Variants in CHST11 observed in about 807,000 individuals in gnomAD.
CHST11 encodes carbohydrate sulfotransferase 11, also known as C4S-1.
In CHST11, 9 loss-of-function variants were observed where a neutral mutation model predicts 30.4. The ratio of observed to expected loss-of-function variants is 0.30; its 90% confidence interval spans 0.18 to 0.52. The LOEUF is 0.52. Among genes scored for constraint, CHST11 ranks in the 20% least tolerant of loss-of-function variants. The probability of loss-of-function intolerance (pLI) is 0.97; values close to 1 mark genes in which losing one functional copy is unlikely to be tolerated. For missense variants in CHST11, 348 were observed against 460.6 expected, an observed-to-expected ratio of 0.76 and a Z score of 2.24; for synonymous variants, 152 against 187.8, an observed-to-expected ratio of 0.81 and a Z score of 1.56.
intron 2 of CHST11, among the ~76,000 whole-genome samples, chr12:104,639,667 C>G (rs1019113935): frequency 6.6e-5 from 10 of 152,146 alleles, no homozygotes; most frequent in African/African-American, 1.9e-4. Flanking sequence ...CGTGGTCAAG[C>G]TTCATTGCCC....
At chr12:104,516,418 A>G (rs2135984962) in intron 1 of CHST11, among the ~76,000 whole-genome samples, 1 of 152,300 alleles carries the variant, frequency 6.6e-6, no homozygotes, top group South Asian at 2.1e-4. Flanking sequence ...TAAAATGGTC[A>G]TCTTTGCAAT....
intron 1 of CHST11, among the ~76,000 whole-genome samples, chr12:104,482,299 C>G (rs1387828995): frequency 6.6e-6 from 1 of 151,788 alleles, no homozygotes; most frequent in Non-Finnish European, 1.5e-5. Context: ...GGAGGCTGCT[C>G]TGCCACCTGG....
rs933601565 is a variant in CHST11, at chr12:104,700,147, T to A, written c.205-56802T>A. Among the ~76,000 whole-genome samples, 14 of 152,380 alleles carry A rather than the reference T, an allele frequency of 9.2e-5. 1 individual carries two copies. The highest frequency in any genetic ancestry group is 2.6e-4 in the African/African-American group (11 of 41,584). On this transcript the variant is annotated intron_variant, in intron 2 of 2. Transcript: ENST00000303694. ...CAAATACTACCCATCTGGTTTTTTT[T>A]AAATCAGATTAGAAGTAAATGTCTT...
At chr12:104,541,907 A>T (rs138254293) in intron 1 of CHST11, among the ~76,000 whole-genome samples, 5,919 of 152,306 alleles carry the variant, frequency 0.039, 397 homozygotes, top group African/African-American at 0.14. Context: ...CCAGCCTGAG[A>T]GACAGAGCGA....
intron 2 of CHST11, among the ~76,000 whole-genome samples, chr12:104,628,914 C>T (rs1036332981): frequency 3.9e-5 from 6 of 152,178 alleles, no homozygotes; most frequent in East Asian, 3.8e-4. Flanking sequence ...CTAAGGTCCA[C>T]GCTGGCTGCC....
At chr12:104,731,915 G>C (rs2040261321) in intron 2 of CHST11, among the ~76,000 whole-genome samples, 1 of 152,240 alleles carries the variant, frequency 6.6e-6, no homozygotes, top group Admixed American at 6.5e-5. Flanking sequence ...CTGTGAATGA[G>C]ACAGATGAGC....
intron 1 of CHST11, among the ~76,000 whole-genome samples, chr12:104,522,687 G>A (rs922433009): frequency 6.6e-6 from 1 of 151,480 alleles, no homozygotes; most frequent in African/African-American, 2.4e-5. Context: ...TTGCTATGTT[G>A]CTTGGGCTGG....
chr12:104,639,573 G>C (rs1181762004), intron 2 of CHST11, among the ~76,000 whole-genome samples: 3 of 152,182 alleles, frequency 2.0e-5, no homozygotes, highest in Admixed American at 6.5e-5. Flanking sequence ...GGATCTTTAT[G>C]GGATAGAGGA....
intron 2 of CHST11, among the ~76,000 whole-genome samples, chr12:104,668,455 G>T (rs2039660935): frequency 2.6e-5 from 4 of 152,102 alleles, no homozygotes. Flanking sequence ...ACGTCAGCTG[G>T]GTCAGCTGAA....
Position 104,590,005 on chromosome 12 carries a change from T to C in CHST11, c.119-11901T>C, listed in dbSNP as rs187400096. 2.1e-3 allele frequency among the ~76,000 whole-genome samples: 309 copies of C among 148,348 alleles called. 1 individual carries two copies. Among genetic ancestry groups the C allele is most frequent in the African/African-American group, 7.5e-3 (290 of 38,880 alleles). ...GCCTGGGCAACAAAGCGAGACTCTGTCTCAAAATTAAATAAATAAATAAAT... is the reference window on the plus strand; with the variant it reads ...GCCTGGGCAACAAAGCGAGACTCTGCCTCAAAATTAAATAAATAAATAAAT... On this transcript the variant is annotated intron_variant, in intron 1 of 2. Transcript: ENST00000303694.
At chr12:104,631,385 G>A (rs918051343) in intron 2 of CHST11, among the ~76,000 whole-genome samples, 1 of 152,124 alleles carries the variant, frequency 6.6e-6, no homozygotes, top group Non-Finnish European at 1.5e-5. Flanking sequence ...CAGACCATCC[G>A]TTTTAGGGTT....
chr12:104,463,897 A>G (rs1359114040), intron 1 of CHST11, among the ~76,000 whole-genome samples: 1 of 152,118 alleles, frequency 6.6e-6, no homozygotes, highest in Non-Finnish European at 1.5e-5. Flanking sequence ...GCCAACAACC[A>G]CAGTGGGGAG....
intron 1 of CHST11, among the ~76,000 whole-genome samples, chr12:104,523,705 A>G (rs1592745034): frequency 6.6e-6 from 1 of 152,204 alleles, no homozygotes; most frequent in East Asian, 1.9e-4. Flanking sequence ...CCTTACTGTA[A>G]AAGGAATATT....
intron 1 of CHST11, among the ~76,000 whole-genome samples, chr12:104,464,174 TCTC>T (rs1389133301): frequency 3.3e-5 from 5 of 151,230 alleles, no homozygotes; most frequent in Admixed American, 2.0e-4. Flanking sequence ...CCCAAGCAAT[TCTC>T]CTGCCTCAGC....
At chr12:104,599,126 A>G (rs1459240383) in intron 1 of CHST11, among the ~76,000 whole-genome samples, 1 of 152,208 alleles carries the variant, frequency 6.6e-6, no homozygotes. Context: ...TATCATTCCC[A>G]TAAAAGGCAC....
At chr12:104,571,472 T>A (rs563032348) in intron 1 of CHST11, among the ~76,000 whole-genome samples, 2 of 152,258 alleles carry the variant, frequency 1.3e-5, no homozygotes, top group East Asian at 3.9e-4. Flanking sequence ...ACAGACAATA[T>A]TATTAAGAAC....
chr12:104,579,133 A>C (rs1188133303), intron 1 of CHST11, among the ~76,000 whole-genome samples: 1 of 152,244 alleles, frequency 6.6e-6, no homozygotes, highest in African/African-American at 2.4e-5. Flanking sequence ...GAAGAAGAGC[A>C]GAAGCTCTGC....
intron 1 of CHST11, among the ~76,000 whole-genome samples, chr12:104,555,527 A>T (rs1202176705): frequency 6.6e-6 from 1 of 152,180 alleles, no homozygotes; most frequent in Admixed American, 6.5e-5. Context: ...TATAGAAGAC[A>T]CTGTTCTGTG....
intron 1 of CHST11, among the ~76,000 whole-genome samples, chr12:104,504,020 C>T (rs765750412): frequency 3.9e-5 from 6 of 152,244 alleles, no homozygotes; most frequent in Non-Finnish European, 8.8e-5. Context: ...AAGTTGGACG[C>T]ACCCAGTCAA....
Sources: gnomAD v4.1 joint callset for allele counts (sites outside exome capture counted in the v4.1 genomes callset) on GRCh38, gnomAD v4.1.1 for gene constraint, MANE v1.5 for transcripts, NCBI Gene and HGNC (gene_info 2026-07-23, HGNC 2026-07-21) for gene names.